Variants in SNTB1 observed in about 807,000 individuals in gnomAD.
SNTB1 encodes the protein beta-1-syntrophin.
SNTB1 carries 36 observed loss-of-function variants against 48.9 expected under a neutral mutation model. That is an observed-to-expected ratio of 0.74 (90% CI 0.56 to 0.97). The LOEUF (loss-of-function observed/expected upper bound fraction) is 0.97, where lower values mean the gene tolerates loss of function less well. SNTB1 is among the 50% of genes least tolerant of loss of function. SNTB1 has a pLI of 0.00. For missense variants in SNTB1, 786 were observed against 703.4 expected (o/e 1.12, Z -1.33); for synonymous variants, 299 against 294.6 (o/e 1.01, Z -0.15).
intron 3 of SNTB1, among the ~76,000 whole-genome samples, chr8:120,615,740 G>A (rs1816703543): frequency 6.6e-6 from 1 of 152,190 alleles, no homozygotes. Flanking sequence ...AATAACATAA[G>A]CCAGTTTGAA....
chr8:120,606,518 A>C (rs941816256), intron 3 of SNTB1, among the ~76,000 whole-genome samples: 4 of 151,812 alleles, frequency 2.6e-5, no homozygotes, highest in African/African-American at 9.7e-5. Context: ...TTTGAGTTTC[A>C]GTAAGAAACA....
At chr8:120,564,363 A>T (rs749275812) in intron 4 of SNTB1, among the ~76,000 whole-genome samples, 2 of 149,808 alleles carry the variant, frequency 1.3e-5, no homozygotes, top group Non-Finnish European at 3.0e-5. Context: ...AGAACATTAA[A>T]ATAGGGCAGC....
At chr8:120,572,798 C>T (rs1195908597) in intron 4 of SNTB1, among the ~76,000 whole-genome samples, 2 of 151,980 alleles carry the variant, frequency 1.3e-5, no homozygotes, top group Non-Finnish European at 2.9e-5. Context: ...GCCTATAATC[C>T]CAGCTACTCA....
At chr8:120,643,979 T>A (rs1487864934) in intron 2 of SNTB1, among the ~76,000 whole-genome samples, 1 of 152,118 alleles carries the variant, frequency 6.6e-6, no homozygotes, top group East Asian at 1.9e-4. Flanking sequence ...TCCACTAGGA[T>A]ACAAGGAAGA....
chr8:120,538,460 G>T lies in SNTB1; in HGVS notation c.*417C>A. 2 of 299,390 alleles carry T rather than the reference G, an allele frequency of 6.7e-6. No individual in the cohort carries two copies. Among genetic ancestry groups the T allele is most frequent in the Middle Eastern group, 1.3e-3 (1 of 790 alleles). 18.5% of individuals were successfully genotyped at this position (299,390 alleles called of 1,614,324 possible). ...GGGATCACTGTTACTGGGGATAGGG[G>T]GCTAGGAGGAGTAGGTAAGAATGTC... On this transcript the variant is annotated 3_prime_UTR_variant, in exon 7 of 7. Coordinates refer to ENST00000517992, the MANE Select transcript of SNTB1 (RefSeq NM_021021.4).
chr8:120,631,826 T>C (rs1458513942), intron 3 of SNTB1, among the ~76,000 whole-genome samples: 1 of 152,180 alleles, frequency 6.6e-6, no homozygotes, highest in African/African-American at 2.4e-5. Context: ...AGACAGAGGC[T>C]AAGTCTTTAT....
At chr8:120,565,252 C>T (rs1293006653) in intron 4 of SNTB1, among the ~76,000 whole-genome samples, 3 of 152,034 alleles carry the variant, frequency 2.0e-5, no homozygotes, top group African/African-American at 4.8e-5. Context: ...GAGGGGTTAA[C>T]AAATTAGAAA....
intron 1 of SNTB1, among the ~76,000 whole-genome samples, chr8:120,800,671 C>T (rs4457371): frequency 0.5 from 76,306 of 151,842 alleles, 22,713 homozygotes; most frequent in African/African-American, 0.84. Context: ...AAAGTAAAAT[C>T]ACTGCTGGAA....
intron 2 of SNTB1, among the ~76,000 whole-genome samples, chr8:120,661,412 T>G (rs1346011428): frequency 1.3e-5 from 2 of 152,144 alleles, no homozygotes; most frequent in African/African-American, 4.8e-5. Flanking sequence ...AGAAGAGAAA[T>G]TATTTGCCCA....
chr8:120,683,802 C>G (rs1406967835), intron 2 of SNTB1, among the ~76,000 whole-genome samples: 1 of 152,118 alleles, frequency 6.6e-6, no homozygotes. Context: ...AAAAAAAGTC[C>G]CCTTTTCTTG....
intron 1 of SNTB1, among the ~76,000 whole-genome samples, chr8:120,762,844 C>A (rs1484848761): frequency 6.6e-6 from 1 of 152,120 alleles, no homozygotes; most frequent in Non-Finnish European, 1.5e-5. Flanking sequence ...AATGGAATTG[C>A]ATCCAAATAG....
intron 1 of SNTB1, among the ~76,000 whole-genome samples, chr8:120,763,411 T>G (rs1819458100): frequency 6.6e-6 from 1 of 152,198 alleles, no homozygotes; most frequent in African/African-American, 2.4e-5. Flanking sequence ...AAGCTGAAAT[T>G]GGCTTCCTTG....
At chr8:120,738,352 C>T (rs1818983595) in intron 1 of SNTB1, among the ~76,000 whole-genome samples, 1 of 152,166 alleles carries the variant, frequency 6.6e-6, no homozygotes, top group South Asian at 2.1e-4. Flanking sequence ...ACCAATAACA[C>T]CCACTAAAGC....
chr8:120,780,285 C>T (rs1202322002), intron 1 of SNTB1, among the ~76,000 whole-genome samples: 1 of 152,188 alleles, frequency 6.6e-6, no homozygotes, highest in Non-Finnish European at 1.5e-5. Context: ...TTGAATATCT[C>T]TTCTTAAGCT....
chr8:120,556,447 A>T (rs1294040707), intron 4 of SNTB1, among the ~76,000 whole-genome samples: 1 of 152,220 alleles, frequency 6.6e-6, no homozygotes, highest in Non-Finnish European at 1.5e-5. Flanking sequence ...CATATTTGTT[A>T]TTTCATTCCT....
intron 2 of SNTB1, among the ~76,000 whole-genome samples, chr8:120,657,445 T>A (rs1268074668): frequency 6.6e-6 from 1 of 152,198 alleles, no homozygotes; most frequent in Admixed American, 6.5e-5. Context: ...ATCTGAGGCC[T>A]CATTCCAGGC....
intron 1 of SNTB1, among the ~76,000 whole-genome samples, chr8:120,702,596 C>G (rs2129893238): frequency 6.6e-6 from 1 of 151,790 alleles, no homozygotes; most frequent in African/African-American, 2.4e-5. Context: ...TAGCAGCTTC[C>G]ACTGATATCA....
At chr8:120,691,467 G>C (rs1818126574) in intron 2 of SNTB1, among the ~76,000 whole-genome samples, 1 of 152,180 alleles carries the variant, frequency 6.6e-6, no homozygotes, top group African/African-American at 2.4e-5. Flanking sequence ...GCTGTTAAGA[G>C]GACTAAGCAG....
chr8:120,791,870 G>A (rs1820041927), intron 1 of SNTB1, among the ~76,000 whole-genome samples: 2 of 151,892 alleles, frequency 1.3e-5, no homozygotes, highest in Non-Finnish European at 2.9e-5. Context: ...ATGTAAATTA[G>A]TACACCTCTA....
Sources: allele counts gnomAD v4.1 joint callset (sites outside exome capture counted in the v4.1 genomes callset), GRCh38; gene constraint gnomAD v4.1.1; transcripts MANE v1.5; gene names NCBI Gene and HGNC (gene_info 2026-07-23, HGNC 2026-07-21).